Variants in ZNF385D observed in about 807,000 individuals in gnomAD.
ZNF385D encodes zinc finger protein 659.
In ZNF385D, 15 loss-of-function variants were observed where a neutral mutation model predicts 35.8. That is an observed-to-expected ratio of 0.42 (90% confidence interval 0.28 to 0.64). The LOEUF (loss-of-function observed/expected upper bound fraction) is 0.64. ZNF385D is among the 30% of genes least tolerant of loss of function. ZNF385D has a pLI of 0.23. For missense variants in ZNF385D, 474 were observed against 494.6 expected (o/e 0.96, Z 0.39); for synonymous variants, 212 against 186.8 (o/e 1.13, Z -1.10).
intron 3 of ZNF385D, among the ~76,000 whole-genome samples, chr3:22,128,204 C>A (rs559626623): frequency 2.6e-4 from 40 of 152,240 alleles, no homozygotes; most frequent in African/African-American, 9.1e-4. Flanking sequence ...GTATATCATG[C>A]CACTCCCTCC....
chr3:22,327,134 T>G (rs1188282369), intron 2 of ZNF385D, among the ~76,000 whole-genome samples: 2 of 152,052 alleles, frequency 1.3e-5, no homozygotes, highest in African/African-American at 2.4e-5. Flanking sequence ...TGTCGGAAAG[T>G]TTTGTTCTTT....
rs570559095 is a variant in ZNF385D, at chr3:22,337,169, G to T, written c.106+35281C>A. On this transcript the variant is annotated intron_variant, in intron 2 of 5. Transcript: ENST00000494108. ...AAGTAAAGCTTAACTTTTTCCATGA[G>T]ATTTTTTTTTTAATGTGCTATGCTC... Among the ~76,000 whole-genome samples, 97 of 151,696 alleles carry T rather than the reference G, an allele frequency of 6.4e-4. 1 individual carries two copies. The highest frequency in any genetic ancestry group is 2.3e-3 in the African/African-American group (93 of 41,288).
chr3:21,699,571 A>C (rs181873831), intron 1 of ZNF385D, among the ~76,000 whole-genome samples: 14 of 152,320 alleles, frequency 9.2e-5, no homozygotes, highest in African/African-American at 3.4e-4. Context: ...CTACATGTAA[A>C]CAGAGTGTAT....
chr3:21,480,372 G>A (rs1244971860), intron 4 of ZNF385D, among the ~76,000 whole-genome samples: 1 of 152,026 alleles, frequency 6.6e-6, no homozygotes. Context: ...CAAAGTGCTA[G>A]GATTACGGGT....
At chr3:21,561,913 T>G (rs1259733900) in intron 3 of ZNF385D, 1 of 152,212 alleles carries the variant, frequency 6.6e-6, no homozygotes. Flanking sequence ...GAGATATGCC[T>G]GCATATTTGT....
intron 2 of ZNF385D, among the ~76,000 whole-genome samples, chr3:22,184,514 A>T (rs1438067591): frequency 1.3e-5 from 2 of 152,094 alleles, no homozygotes; most frequent in Admixed American, 6.6e-5. Flanking sequence ...AAAAGACTTG[A>T]TGGTACTAGA....
intron 3 of ZNF385D, among the ~76,000 whole-genome samples, chr3:22,152,976 T>C (rs1286673391): frequency 1.3e-5 from 2 of 152,148 alleles, no homozygotes; most frequent in Non-Finnish European, 2.9e-5. Context: ...CACTCTTCCC[T>C]GATGACACAT....
intron 1 of ZNF385D, among the ~76,000 whole-genome samples, chr3:21,743,899 T>C (rs777624202): frequency 4.6e-5 from 7 of 152,244 alleles, no homozygotes; most frequent in East Asian, 1.9e-4. Context: ...CTGTTATGAA[T>C]TGTAATTTCA....
chr3:22,113,224 G>A (rs1268835454), intron 3 of ZNF385D, among the ~76,000 whole-genome samples: 1 of 152,014 alleles, frequency 6.6e-6, no homozygotes, highest in Non-Finnish European at 1.5e-5. Context: ...TGCTACTCCT[G>A]AATTGGTTTA....
At chr3:21,942,025 A>C (rs1197749274) in intron 3 of ZNF385D, among the ~76,000 whole-genome samples, 1 of 152,168 alleles carries the variant, frequency 6.6e-6, no homozygotes, top group South Asian at 2.1e-4. Context: ...TCTCTTTTAT[A>C]AAGAAAATAT....
chr3:22,118,589 A>T (rs1342922552), intron 3 of ZNF385D, among the ~76,000 whole-genome samples: 1 of 152,128 alleles, frequency 6.6e-6, no homozygotes, highest in Admixed American at 6.6e-5. Flanking sequence ...GAATTAAGCA[A>T]TTCAACTTTT....
intron 3 of ZNF385D, among the ~76,000 whole-genome samples, chr3:22,079,780 T>A (rs557882179): frequency 4.6e-5 from 7 of 152,088 alleles, no homozygotes; most frequent in African/African-American, 1.7e-4. Context: ...GTATATCTAA[T>A]GAGAAAATAA....
chr3:22,071,535 A>G (rs973317999), intron 3 of ZNF385D, among the ~76,000 whole-genome samples: 1 of 152,174 alleles, frequency 6.6e-6, no homozygotes, highest in Admixed American at 6.6e-5. Context: ...CTAAGGAGCC[A>G]CCTTTGAAGT....
rs753742081 is a variant in ZNF385D at position 22,123,986 on chromosome 3, A to ATATATATATATATATG, written c.325+44830_325+44831insCATATATATATATATA. Among the ~76,000 whole-genome samples the ATATATATATATATATG allele has an allele frequency of 2.7e-3, 329 of 122,128 alleles. 4 individuals carry two copies. Among genetic ancestry groups the ATATATATATATATATG allele is most frequent in the Non-Finnish European group, 3.7e-3 (216 of 57,942 alleles). 80.1% of individuals were successfully genotyped at this position (122,128 alleles called of 152,430 possible). A position where few individuals can be genotyped will look rare whatever the true frequency, so the allele number is the denominator to read the frequency against. On this transcript the variant is annotated intron_variant, in intron 3 of 5. Transcript: ENST00000494108. ...TCTATATATATATATATATATATATATATTGCTGACTGAACTCATCCTGTT... is the reference window on the plus strand; with the variant it reads ...TCTATATATATATATATATATATATATATATATATATATATGTATTGCTGACTGAACTCATCCTGTT...
chr3:22,128,606 T>C (rs1274408172), intron 3 of ZNF385D, among the ~76,000 whole-genome samples: 2 of 152,170 alleles, frequency 1.3e-5, no homozygotes, highest in African/African-American at 4.8e-5. Flanking sequence ...AAATAGTCTA[T>C]CTTCAAACTC....
intron 2 of ZNF385D, among the ~76,000 whole-genome samples, chr3:22,185,177 T>G (rs1695546810): frequency 6.6e-6 from 1 of 150,622 alleles, no homozygotes; most frequent in Non-Finnish European, 1.5e-5. Flanking sequence ...TTGTAGAAAC[T>G]TTAAAATTGC....
chr3:21,540,124 T>A (rs368836223), intron 3 of ZNF385D, among the ~76,000 whole-genome samples: 3 of 152,188 alleles, frequency 2.0e-5, no homozygotes, highest in South Asian at 4.1e-4. Flanking sequence ...TTCATATGCA[T>A]TTAGTTAGAA....
chr3:21,756,560 G>C (rs1402083037), intron 3 of ZNF385D, among the ~76,000 whole-genome samples: 2 of 152,122 alleles, frequency 1.3e-5, no homozygotes, highest in Non-Finnish European at 2.9e-5. Context: ...TTTTATAAAT[G>C]ATAATAAAAT....
chr3:21,982,232 T>G (rs866956988), intron 3 of ZNF385D, among the ~76,000 whole-genome samples: 2 of 152,140 alleles, frequency 1.3e-5, no homozygotes, highest in African/African-American at 4.8e-5. Context: ...CATTTGTTTG[T>G]GTCTTGTCTT....
Sources: gnomAD v4.1 joint callset for allele counts (sites outside exome capture counted in the v4.1 genomes callset) on GRCh38, gnomAD v4.1.1 for gene constraint, MANE v1.5 for transcripts, NCBI Gene and HGNC (gene_info 2026-07-23, HGNC 2026-07-21) for gene names.